The following UGT2A1 variants were observed in gnomAD, a reference collection of about 807,000 sequenced individuals.
The protein encoded by UGT2A1 is UDP-glucuronosyltransferase 2A1.
A neutral mutation model predicts 45.4 loss-of-function variants in UGT2A1; 61 were observed. The ratio of observed to expected loss-of-function variants is 1.34; its 90% CI spans 1.09 to 1.66. UGT2A1 has a LOEUF of 1.66. Among genes scored for constraint, UGT2A1 ranks in the 40% most tolerant of loss-of-function variants. The pLI, the probability that UGT2A1 is intolerant of heterozygous loss-of-function variation, is 0.00. For missense variants in UGT2A1, 649 were observed against 574.3 expected (o/e 1.13, Z -1.33); for synonymous variants, 229 against 196.2 (o/e 1.17, Z -1.40).
rs1722316545 is a variant in UGT2A1, at chr4:69,647,290, G to A, written c.355C>T (p.His119Tyr). The change falls in exon 2 of 7, where the codon CAC becomes TAC. Residue 119 changes from histidine to tyrosine, a missense_variant. His to Tyr is a moderately conservative substitution (Grantham distance 83). Coordinates refer to ENST00000286604, the MANE Select transcript of UGT2A1 (RefSeq NM_001252275.3). ...QEMAKVIKDF[H>Y]MVSQEICDGV... ...TCACAGATCTCCTGAGACACCATGTGGAAGTCCTTGATTACTTTGGCCATC... is the reference window on the plus strand; with the variant it reads ...TCACAGATCTCCTGAGACACCATGTAGAAGTCCTTGATTACTTTGGCCATC... The A allele has an allele frequency of 6.2e-7, 1 of 1,613,380 alleles. No homozygotes were observed. The highest frequency in any genetic ancestry group is 8.5e-7 in the Non-Finnish European group (1 of 1,179,556).
chr4:69,645,308 A>C (rs1288397240), intron 2 of UGT2A1, among the ~76,000 whole-genome samples: 1 of 151,780 alleles, frequency 6.6e-6, no homozygotes, highest in African/African-American at 2.4e-5. Context: ...ATTCAATGCA[A>C]TATTAATTTT....
chr4:69,614,369 G>A (rs913521358), intron 3 of UGT2A1, among the ~76,000 whole-genome samples: 10 of 151,838 alleles, frequency 6.6e-5, no homozygotes, highest in Non-Finnish European at 1.2e-4. Context: ...TAGAGGAATC[G>A]AAAGCATTAA....
chr4:69,634,111 G>A (rs1310922691), intron 3 of UGT2A1, among the ~76,000 whole-genome samples: 1 of 152,040 alleles, frequency 6.6e-6, no homozygotes, highest in Non-Finnish European at 1.5e-5. Flanking sequence ...CGGGCTTGGT[G>A]ACCGGCGCCT....
chr4:69,635,717 C>A lies in UGT2A1; in HGVS notation c.821G>T (p.Cys274Phe). 1 of 272,082 alleles carries A rather than the reference C, an allele frequency of 3.7e-6. No individual in the cohort carries two copies. The highest frequency in any genetic ancestry group is 7.4e-6 in the Non-Finnish European group (1 of 134,406). The allele number at this position is 272,082 out of a possible 1,614,324, so 16.9% of individuals were successfully genotyped here. ...TGCTGGCAGCCTGTAATCCCAACTA[C>A]AATGGAGGCTGAGGCGGGAGAATCG... ...FKRFSRLSLH[C>F]SWDYRLPAGR... The change falls in exon 3 of 7, where the codon TGT (cysteine) becomes TTT (phenylalanine). Residue 274 changes from cysteine to phenylalanine, a missense_variant. Physicochemically the swap from Cys to Phe is radical, Grantham distance 205. Transcript: ENST00000286604.
chr4:69,619,274 G>T (rs1720598452), intron 3 of UGT2A1, among the ~76,000 whole-genome samples: 1 of 151,698 alleles, frequency 6.6e-6, no homozygotes, highest in African/African-American at 2.4e-5. Flanking sequence ...GGTGGTGCAT[G>T]CGTGTAGTCC....
chr4:69,622,137 C>T (rs1269471522), intron 3 of UGT2A1, among the ~76,000 whole-genome samples: 2 of 151,770 alleles, frequency 1.3e-5, no homozygotes, highest in Non-Finnish European at 2.9e-5. Flanking sequence ...CAAACCTGCA[C>T]ATGTACTCCT....
In UGT2A1 at chr4:69,589,652, C is replaced by A. The variant is rs1718478551; in HGVS notation, c.1305-1G>T. On this transcript the variant is annotated splice_acceptor_variant, in intron 6 of 6. Coordinates refer to ENST00000286604, the MANE Select transcript of UGT2A1 (RefSeq NM_001252275.3). LOFTEE classifies it high-confidence loss of function. Reference sequence around the variant, plus strand: ...TAACCTCATAGCATTCTCTTTATAACTAGAAGACAAATAAATAGGCAGAAA... The same window carrying A: ...TAACCTCATAGCATTCTCTTTATAAATAGAAGACAAATAAATAGGCAGAAA... The A allele has an allele frequency of 1.9e-6, 3 of 1,592,060 alleles. No individual in the cohort carries two copies. The highest frequency in any genetic ancestry group is 1.4e-5 in the African/African-American group (1 of 74,042).
chr4:69,592,096 G>C (rs1355523045), intron 6 of UGT2A1, among the ~76,000 whole-genome samples: 1 of 152,074 alleles, frequency 6.6e-6, no homozygotes, highest in Non-Finnish European at 1.5e-5. Context: ...GAATACATTA[G>C]CCCTCGTGTC....
chr4:69,608,809 C>T (rs1389607480), intron 3 of UGT2A1, among the ~76,000 whole-genome samples: 1 of 152,140 alleles, frequency 6.6e-6, no homozygotes, highest in Admixed American at 6.6e-5. Context: ...CATTCTCCCA[C>T]CTCAGCCTCC....
At chr4:69,613,009 T>A (rs1038534601) in intron 3 of UGT2A1, among the ~76,000 whole-genome samples, 3 of 149,344 alleles carry the variant, frequency 2.0e-5, no homozygotes, top group Non-Finnish European at 4.4e-5. Flanking sequence ...CCAGATTATA[T>A]GAAAAATTTA....
At chr4:69,594,996 T>G (rs1295010270) in intron 5 of UGT2A1, among the ~76,000 whole-genome samples, 166 bp downstream of exon 5, 1 of 152,226 alleles carries the variant, frequency 6.6e-6, no homozygotes, top group Non-Finnish European at 1.5e-5. Flanking sequence ...AGAGGAAGCC[T>G]GAGTCTATAA....
intron 3 of UGT2A1, among the ~76,000 whole-genome samples, chr4:69,607,228 C>A (rs528709601): frequency 7.4e-6 from 1 of 134,558 alleles, no homozygotes; most frequent in Non-Finnish European, 1.7e-5. Flanking sequence ...GAGATAAAGA[C>A]CAATGGAACA....
rs571556296 is a variant in UGT2A1 at position 69,638,978 on chromosome 4, AT to A, written c.716-3157del. ...AGTCTTGCAGAGAATAAGATATGGT[AT>A]TTTTAATCCTTTCACCAAAGGTCAT... On this transcript the variant is annotated intron_variant, in intron 2 of 6. Coordinates refer to ENST00000286604, the MANE Select transcript of UGT2A1 (RefSeq NM_001252275.3). 1.3e-4 allele frequency: 212 copies of A among 1,613,052 alleles called. 2 individuals are homozygous for A. In the African/African-American group the frequency reaches 2.5e-3, roughly 19 times the overall value.
intron 3 of UGT2A1, among the ~76,000 whole-genome samples, chr4:69,608,409 G>A (rs12501520): frequency 0.16 from 22,624 of 142,088 alleles, 2,077 homozygotes; most frequent in Non-Finnish European, 0.21. Context: ...ATCACACACC[G>A]GGGCCTGTTG....
intron 3 of UGT2A1, among the ~76,000 whole-genome samples, chr4:69,615,300 A>G (rs928463264): frequency 6.6e-6 from 1 of 152,010 alleles, no homozygotes; most frequent in African/African-American, 2.4e-5. Context: ...CACTAAGACA[A>G]TGTTCTGGGC....
At chr4:69,605,254 A>T (rs1007904267) in intron 3 of UGT2A1, among the ~76,000 whole-genome samples, 3 of 137,264 alleles carry the variant, frequency 2.2e-5, no homozygotes, top group African/African-American at 8.8e-5. Context: ...ATTAGAACTC[A>T]GGATTAAGAA....
chr4:69,617,724 G>T (rs1720487946), intron 3 of UGT2A1, among the ~76,000 whole-genome samples: 1 of 151,588 alleles, frequency 6.6e-6, no homozygotes, highest in South Asian at 2.1e-4. Context: ...ATTCATTATT[G>T]GGAGTTAACA....
intron 4 of UGT2A1, among the ~76,000 whole-genome samples, chr4:69,595,861 C>T (rs1224296500): frequency 6.6e-6 from 1 of 152,148 alleles, no homozygotes; most frequent in Non-Finnish European, 1.5e-5. Context: ...ATATTTTTAG[C>T]ATAATTTCTC....
At position 69,632,059 on chromosome 4, in the gene UGT2A1, T is replaced by C. The variant is rs1721418467; in HGVS notation, c.847+3632A>G. Among the ~76,000 whole-genome samples the C allele has an allele frequency of 2.0e-5, 3 of 152,230 alleles. No homozygotes were observed. In the South Asian group the frequency reaches 6.2e-4, roughly 32 times the overall value. ...CCTAAAATTGTTCACTTATGTGATG[T>C]ATATTAACTTTATTTTTGAAAGAGA... On this transcript the variant is annotated intron_variant, in intron 3 of 6. Coordinates refer to ENST00000286604, the MANE Select transcript of UGT2A1 (RefSeq NM_001252275.3).
Sources: gnomAD v4.1 joint callset for allele counts (sites outside exome capture counted in the v4.1 genomes callset) on GRCh38, gnomAD v4.1.1 for gene constraint, MANE v1.5 for transcripts, NCBI Gene and HGNC (gene_info 2026-07-23, HGNC 2026-07-21) for gene names.